The following PECR variants were observed in gnomAD, a reference collection of about 807,000 sequenced individuals.
PECR encodes peroxisomal trans-2-enoyl-CoA reductase, also known as 2,4-dienoyl-CoA reductase-related protein.
PECR carries 30 observed loss-of-function variants against 35.3 expected under a neutral mutation model. The ratio of observed to expected loss-of-function variants is 0.85; its 90% CI spans 0.64 to 1.15. The LOEUF (loss-of-function observed/expected upper bound fraction) is 1.15, where lower values mean the gene tolerates loss of function less well. Ranked by LOEUF, PECR falls within the 50% of genes most tolerant of loss-of-function variation. The probability of loss-of-function intolerance (pLI) is 0.00; values close to 1 mark genes in which losing one functional copy is unlikely to be tolerated. For missense variants in PECR, 392 were observed against 370.8 expected (o/e 1.06, Z -0.47); for synonymous variants, 148 against 138.9 (o/e 1.07, Z -0.46).
chr2:216,063,286 A>G (rs1343698371), intron 3 of PECR, among the ~76,000 whole-genome samples: 1 of 152,170 alleles, frequency 6.6e-6, no homozygotes, highest in African/African-American at 2.4e-5. Context: ...ACTCCAGAAT[A>G]TTTACATGGT....
intron 6 of PECR, among the ~76,000 whole-genome samples, 184 bp from the exon 7 acceptor site, chr2:216,044,199 C>T (rs186297072): frequency 6.6e-6 from 1 of 152,308 alleles, no homozygotes; most frequent in African/African-American, 2.4e-5. Flanking sequence ...TCCCTTTCTA[C>T]CTGAGCATCA....
chr2:216,032,881 T>G (rs1481417075), intron 7 of PECR: 1 of 146,106 alleles, frequency 6.8e-6, no homozygotes, highest in African/African-American at 2.4e-5. Flanking sequence ...AAACAAGGAG[T>G]GCAGAAGAAA....
intron 1 of PECR, among the ~76,000 whole-genome samples, chr2:216,067,557 CTTT>C (rs990228561): frequency 4.6e-5 from 7 of 151,062 alleles, no homozygotes; most frequent in African/African-American, 1.7e-4. Context: ...CATATTTTTT[CTTT>C]TTCTTTTTTT....
At chr2:216,037,114 A>C (rs1694806673), downstream of PECR, among the ~76,000 whole-genome samples, 1 of 152,216 alleles carries the variant, frequency 6.6e-6, no homozygotes, top group Non-Finnish European at 1.5e-5. Flanking sequence ...TAGGTGCTCC[A>C]AATTATTAAG....
rs113848128 is a variant in PECR at position 216,066,438 on chromosome 2, T to A, written c.205A>T (p.Thr69Ser). The change falls in exon 2 of 8, where the codon ACA becomes TCA. Residue 69 changes from threonine (T) to serine (S), a missense_variant. Transcript: ENST00000265322. The part of the protein sequence containing the change: ...ADELQANLPP[T>S]KQARVIPIQC... Reference sequence around the variant, plus strand: ...ATGGGAATGACTCGTGCCTGCTTTGTGGGAGGTAGGTTGGCCTGCAGTTCA... The same window carrying A: ...ATGGGAATGACTCGTGCCTGCTTTGAGGGAGGTAGGTTGGCCTGCAGTTCA... 6.2e-6 allele frequency: 10 copies of A among 1,613,740 alleles called. No individual in the cohort carries two copies. The African/African-American group carries it at 1.2e-4, about 19-fold the overall frequency.
At chr2:216,040,349 A>G (rs1694865314) in intron 7 of PECR, among the ~76,000 whole-genome samples, 1 of 152,156 alleles carries the variant, frequency 6.6e-6, no homozygotes, top group African/African-American at 2.4e-5. Context: ...TGCAACCTCG[A>G]CTTCCCGGGC....
intron 1 of PECR, among the ~76,000 whole-genome samples, chr2:216,068,550 A>G (rs1177936636): frequency 6.6e-6 from 1 of 152,210 alleles, no homozygotes; most frequent in African/African-American, 2.4e-5. Flanking sequence ...TGCACTACAA[A>G]AAAGATGAAA....
At chr2:216,076,723 C>G (rs1032858973) in intron 1 of PECR, among the ~76,000 whole-genome samples, 1 of 151,872 alleles carries the variant, frequency 6.6e-6, no homozygotes, top group Non-Finnish European at 1.5e-5. Context: ...TCACTTGAAC[C>G]TGGGAGGCAG....
chr2:216,074,493 A>AAAGGGAGGAAGG lies in PECR; in HGVS notation c.124+7124_124+7125insCCTTCCTCCCTT, dbSNP rs1695649733. On this transcript the variant is annotated intron_variant, in intron 1 of 7. Transcript: ENST00000265322. Reference sequence around the variant, plus strand: ...GAAAGAGAGAGAGAAAGAAAGAAAAAAAGGAAGGAAGGAAGGAAGGAAGGA... The same window carrying AAAGGGAGGAAGG: ...GAAAGAGAGAGAGAAAGAAAGAAAAAAAGGGAGGAAGGAAGGAAGGAAGGAAGGAAGGAAGGA... Among the ~76,000 whole-genome samples the AAAGGGAGGAAGG allele has an allele frequency of 2.3e-5, 3 of 133,000 alleles. No homozygotes were observed. The South Asian group carries it at 8.5e-4, about 38-fold the overall frequency. 87.3% of individuals were successfully genotyped at this position (133,000 alleles called of 152,430 possible).
At chr2:216,068,225 C>CAAAAAAAA (rs34646067) in intron 1 of PECR, among the ~76,000 whole-genome samples, 4 of 65,006 alleles carry the variant, frequency 6.2e-5, no homozygotes, top group Non-Finnish European at 1.1e-4. Context: ...GACTCCATAT[C>CAAAAAAAA]AAAAAAAAAA....
chr2:216,064,906 C>T (rs183834551), intron 3 of PECR, among the ~76,000 whole-genome samples: 5 of 152,270 alleles, frequency 3.3e-5, no homozygotes, highest in Admixed American at 3.3e-4. Context: ...ACTATGTATG[C>T]ATGCTAATTA....
At chr2:216,031,996 C>T (rs2105936345) in intron 7 of PECR, among the ~76,000 whole-genome samples, 1 of 152,366 alleles carries the variant, frequency 6.6e-6, no homozygotes, top group African/African-American at 2.4e-5. Context: ...GGCTGTTCCT[C>T]TCTTCTTGGT....
Position 216,039,254 on chromosome 2 carries a change from AG to A in PECR, c.*20del. On this transcript the variant is annotated 3_prime_UTR_variant, in exon 8 of 8. Transcript: ENST00000265322. ...AAGATGTGAAGGCACTGGGGGATGGAGGACACCTTGTTTCCTCAGCTCAGAG... is the reference window on the plus strand; with the variant it reads ...AAGATGTGAAGGCACTGGGGGATGGAGACACCTTGTTTCCTCAGCTCAGAG... 1 of 1,359,164 alleles carries A rather than the reference AG, an allele frequency of 7.4e-7. No individual in the cohort carries two copies. The highest frequency in any genetic ancestry group is 1.1e-6 in the Non-Finnish European group (1 of 947,714). The allele number at this position is 1,359,164 out of a possible 1,614,324, so 84.2% of individuals were successfully genotyped here.
At chr2:216,040,443 G>A (rs1292355106) in intron 7 of PECR, among the ~76,000 whole-genome samples, 1 of 152,034 alleles carries the variant, frequency 6.6e-6, no homozygotes, top group African/African-American at 2.4e-5. Context: ...TTGTTGAGAC[G>A]GAGTTTTGCC....
chr2:216,044,257 G>C (rs1049362326), intron 6 of PECR, among the ~76,000 whole-genome samples: 7 of 152,166 alleles, frequency 4.6e-5, no homozygotes, highest in African/African-American at 1.7e-4. Context: ...GTATGAGGGA[G>C]CCTTAGACGA....
intron 1 of PECR, among the ~76,000 whole-genome samples, chr2:216,070,224 A>G (rs1265617176): frequency 1.3e-5 from 2 of 152,198 alleles, no homozygotes; most frequent in Non-Finnish European, 2.9e-5. Flanking sequence ...AAAATGTGAT[A>G]TTTTGATATA....
Position 216,065,406 on chromosome 2 carries a change from G to C in PECR, c.330C>G (p.Gly110=). 6.2e-7 allele frequency: 1 copy of C among 1,607,396 alleles called. No homozygotes were observed. The highest frequency in any genetic ancestry group is 8.5e-7 in the Non-Finnish European group (1 of 1,173,838). ...TGTGTTCAGCAGGGGAAAGAAACTG[G>C]CCTCCTCCATTGTTCACCAAGAAAT... ...KINFLVNNGG[G]QFLSPAEHIS... is the part of the protein sequence containing the mutation. Residue 110 remains glycine, a synonymous_variant, in exon 3 of 8, where the codon GGC becomes GGG. Transcript: ENST00000265322.
At chr2:216,030,927 TTCTCTCTCTC>T (rs113417580) in intron 7 of PECR, among the ~76,000 whole-genome samples, 9,598 of 130,506 alleles carry the variant, frequency 0.074, 372 homozygotes, top group South Asian at 0.098. Context: ...ATGAGGCCCA[TTCTCTCTCTC>T]TCTCTCTCTC....
At chr2:216,034,739 CCCAGGGGAGTGGGCGCT>C (rs2105938107), downstream of PECR, among the ~76,000 whole-genome samples, 1 of 152,246 alleles carries the variant, frequency 6.6e-6, no homozygotes, top group South Asian at 2.1e-4. Flanking sequence ...TACGGATGAG[CCCAGGGGAGTGGGCGCT>C]CCAGGGGAGT....
Sources: gnomAD v4.1 joint callset for allele counts (sites outside exome capture counted in the v4.1 genomes callset) on GRCh38, gnomAD v4.1.1 for gene constraint, MANE v1.5 for transcripts, NCBI Gene and HGNC (gene_info 2026-07-23, HGNC 2026-07-21) for gene names.